Variants in USP30 observed in about 807,000 individuals in gnomAD.
USP30 encodes ubiquitin carboxyl-terminal hydrolase 30.
A neutral mutation model predicts 68.2 loss-of-function variants in USP30; 41 were observed. The observed-to-expected ratio is 0.60, with a 90% CI of 0.47 to 0.78. The LOEUF (loss-of-function observed/expected upper bound fraction) is 0.78, where lower values mean the gene tolerates loss of function less well. USP30 is among the 30% of genes least tolerant of loss of function. USP30 has a pLI of 0.00. For missense variants in USP30, 522 were observed against 649.4 expected (o/e 0.80, Z 2.13); for synonymous variants, 229 against 253.7 (o/e 0.90, Z 0.93).
At chr12:109,065,775 G>A (rs145359179) in intron 3 of USP30, among the ~76,000 whole-genome samples, 1 of 152,340 alleles carries the variant, frequency 6.6e-6, no homozygotes, top group East Asian at 1.9e-4. Flanking sequence ...CAAAGGTCAG[G>A]AAGCAGTGGC....
At chr12:109,043,102 G>T (rs2040575850) in intron 3 of USP30, among the ~76,000 whole-genome samples, 1 of 152,066 alleles carries the variant, frequency 6.6e-6, no homozygotes, top group African/African-American at 2.4e-5. Context: ...AATTAAAGAA[G>T]ACATAATGGA....
intron 7 of USP30, among the ~76,000 whole-genome samples, chr12:109,077,475 T>G (rs1180986831): frequency 1.3e-5 from 2 of 152,242 alleles, no homozygotes; most frequent in African/African-American, 4.8e-5. Context: ...TGAAGTCTAT[T>G]TGAATGATTC....
intron 7 of USP30, among the ~76,000 whole-genome samples, chr12:109,076,732 CTTTT>C (rs71079520): frequency 8.0e-6 from 1 of 124,730 alleles, no homozygotes; most frequent in African/African-American, 3.1e-5. Context: ...TTGATTTTTT[CTTTT>C]TTTTTTTTTT....
rs2135845549 is a variant in USP30, at chr12:109,086,211, T to G, written c.*280T>G. ...ATCTGATACAGGTAATTAAAAGAACTCAGATTCTTGAAGCCACCGTTTTCA... is the reference window on the plus strand; with the variant it reads ...ATCTGATACAGGTAATTAAAAGAACGCAGATTCTTGAAGCCACCGTTTTCA... On this transcript the variant is annotated 3_prime_UTR_variant, in exon 13 of 13. Coordinates refer to ENST00000257548, the MANE Select transcript of USP30 (RefSeq NM_032663.5). The G allele has an allele frequency of 5.9e-6, 2 of 339,240 alleles. No individual in the cohort carries two copies. The highest frequency in any genetic ancestry group is 1.6e-4 in the South Asian group (2 of 12,616). 21.0% of individuals were successfully genotyped at this position (339,240 alleles called of 1,614,324 possible).
Position 109,073,476 on chromosome 12 carries a change from C to T in USP30, c.664C>T (p.His222Tyr). ...HPTSNHWKSQ[H>Y]PFHGRLTSNM... ...TACATCCAATCACTGGAAGTCTCAACATCCTTTTCATGGAAGACTCACTAG... is the reference window on the plus strand; with the variant it reads ...TACATCCAATCACTGGAAGTCTCAATATCCTTTTCATGGAAGACTCACTAG... Residue 222 changes from histidine (H) to tyrosine (Y), a missense_variant, in exon 7 of 13, where the codon CAT becomes TAT. His to Tyr is a moderately conservative substitution (Grantham distance 83, BLOSUM62 2). Transcript: ENST00000257548. 6.2e-7 allele frequency: 1 copy of T among 1,614,156 alleles called. No homozygotes were observed. Among genetic ancestry groups the T allele is most frequent in the Non-Finnish European group, 8.5e-7 (1 of 1,179,962 alleles).
chr12:109,084,864 G>A, intron 11 of USP30, 89 bp from the exon 12 acceptor site: 1 of 1,370,224 alleles, frequency 7.3e-7, no homozygotes. Flanking sequence ...GTAGCATTAT[G>A]GGGAGTTAAC....
At chr12:109,077,786 CT>C (rs2041654356) in intron 7 of USP30, among the ~76,000 whole-genome samples, 1 of 149,926 alleles carries the variant, frequency 6.7e-6, no homozygotes, top group Non-Finnish European at 1.5e-5. Context: ...ATTTTAATAC[CT>C]TTGTTGGCCT....
intron 3 of USP30, among the ~76,000 whole-genome samples, chr12:109,062,972 A>T (rs2041124756): frequency 6.6e-6 from 1 of 152,082 alleles, no homozygotes; most frequent in Admixed American, 6.6e-5. Flanking sequence ...TATAAGATGT[A>T]CCTCATTAAG....
Position 109,067,525 on chromosome 12 carries a change from C to T in USP30, c.378C>T (p.Ala126=). 1.2e-6 allele frequency: 2 copies of T among 1,612,984 alleles called. No homozygotes were observed. Among genetic ancestry groups the T allele is most frequent in the East Asian group, 4.5e-5 (2 of 44,860 alleles). Residue 126 remains alanine (A), a splice_region_variant and synonymous_variant, in exon 4 of 13, where the codon GCC becomes GCT. Transcript: ENST00000257548. ...TTGTCTTACCTTTTTTGTTTCCAGCCTTGTCCTGCCAAGAAGTTACTGATG... is the reference window on the plus strand; with the variant it reads ...TTGTCTTACCTTTTTTGTTTCCAGCTTTGTCCTGCCAAGAAGTTACTGATG... ...LSLTLLHLLK[A]LSCQEVTDDE... is the part of the protein sequence containing the mutation.
chr12:109,056,467 A>G lies in USP30; in HGVS notation c.84-215A>G, dbSNP rs544012837. ...CTTGACTTCCCAAAGTGCTGGGATT[A>G]CAGGGATGAGCCACCGTGCCCAGCT... is the stretch of plus-strand genomic sequence containing the variant. On this transcript the variant is annotated intron_variant, in intron 1 of 12. Coordinates refer to ENST00000257548, the MANE Select transcript of USP30 (RefSeq NM_032663.5). Among the ~76,000 whole-genome samples, 3 of 152,340 alleles carry G rather than the reference A, an allele frequency of 2.0e-5. No individual in the cohort carries two copies. In the South Asian group the frequency reaches 6.2e-4, roughly 32 times the overall value.
chr12:109,078,807 T>C (rs1283205083), intron 7 of USP30, among the ~76,000 whole-genome samples: 1 of 152,242 alleles, frequency 6.6e-6, no homozygotes, highest in Non-Finnish European at 1.5e-5. Flanking sequence ...TGTTTTTGTC[T>C]TGCCTTCATT....
intron 3 of USP30, among the ~76,000 whole-genome samples, chr12:109,061,501 C>T (rs2041065788): frequency 6.6e-6 from 1 of 151,848 alleles, no homozygotes; most frequent in African/African-American, 2.4e-5. Context: ...ATCTGCCTCC[C>T]AGGCCCAAAA....
Position 109,037,221 on chromosome 12 carries a change from C to T in USP30, c.-136+9665C>T, listed in dbSNP as rs547158219. Among the ~76,000 whole-genome samples the T allele has an allele frequency of 5.9e-5, 9 of 152,232 alleles. No individual in the cohort carries two copies. The South Asian group carries it at 1.9e-3, about 32-fold the overall frequency. On this transcript the variant is annotated intron_variant, in intron 3 of 15. Transcript: ENST00000392784. Reference sequence around the variant, plus strand: ...CTGTTGTGCTCGCTAGTGAATTTTTCATTTCAGTTATTCTACTTTTCAACT... The same window carrying T: ...CTGTTGTGCTCGCTAGTGAATTTTTTATTTCAGTTATTCTACTTTTCAACT...
intron 3 of USP30, among the ~76,000 whole-genome samples, chr12:109,041,527 C>T (rs991616063): frequency 2.6e-5 from 4 of 151,820 alleles, no homozygotes; most frequent in Admixed American, 6.6e-5. Context: ...CCCACCTATT[C>T]CAGAGGCTGA....
At chr12:109,052,937 C>T (rs1322650835) in intron 1 of USP30, 176 bp downstream of exon 1, 6 of 541,866 alleles carry the variant, frequency 1.1e-5, no homozygotes, top group Non-Finnish European at 1.5e-5. Flanking sequence ...GACTGACGGG[C>T]TCCAGTCCTT....
At chr12:109,034,072 C>G (rs1214414572) in intron 3 of USP30, among the ~76,000 whole-genome samples, 1 of 152,164 alleles carries the variant, frequency 6.6e-6, no homozygotes, top group African/African-American at 2.4e-5. Context: ...CCTGTCCAGA[C>G]CTAAGGAAAA....
intron 7 of USP30, among the ~76,000 whole-genome samples, chr12:109,075,841 C>CTTT (rs34221615): frequency 3.3e-5 from 4 of 119,690 alleles, no homozygotes; most frequent in African/African-American, 1.2e-4. Context: ...GTTACTTTTT[C>CTTT]TTTTTTTTTT....
At chr12:109,061,131 T>C (rs2041051336) in intron 3 of USP30, among the ~76,000 whole-genome samples, 1 of 152,124 alleles carries the variant, frequency 6.6e-6, no homozygotes, top group African/African-American at 2.4e-5. Context: ...CTAATCCTAA[T>C]GTAACAGAAA....
intron 1 of USP30, 178 bp downstream of exon 1, chr12:109,052,939 C>T (rs1566082900): frequency 1.9e-6 from 1 of 533,994 alleles, no homozygotes; most frequent in Non-Finnish European, 3.0e-6. Context: ...CTGACGGGCT[C>T]CAGTCCTTCG....
Sources: allele counts gnomAD v4.1 joint callset (sites outside exome capture counted in the v4.1 genomes callset), GRCh38; gene constraint gnomAD v4.1.1; transcripts MANE v1.5; gene names NCBI Gene and HGNC (gene_info 2026-07-23, HGNC 2026-07-21).